The following SEMA6D variants were observed in gnomAD, a reference collection of about 807,000 sequenced individuals.
SEMA6D encodes semaphorin-6D.
Under a neutral mutation model 106.6 loss-of-function variants are expected in SEMA6D, and 35 were observed. That is an observed-to-expected ratio of 0.33 (90% CI 0.25 to 0.44). The LOEUF is 0.44. SEMA6D is among the 20% of genes least tolerant of loss of function. SEMA6D has a pLI of 1.00. For missense variants in SEMA6D, 1,185 were observed against 1,345.9 expected (o/e 0.88, Z 1.87); for synonymous variants, 499 against 487.7 (o/e 1.02, Z -0.31).
At chr15:47,749,844 A>G (rs367822526) in intron 1 of SEMA6D, among the ~76,000 whole-genome samples, 56 of 152,272 alleles carry the variant, frequency 3.7e-4, no homozygotes, top group African/African-American at 1.2e-3. Flanking sequence ...ACCACATCCA[A>G]CGGGCAAGCA....
intron 1 of SEMA6D, among the ~76,000 whole-genome samples, chr15:47,309,710 C>G: frequency 6.6e-6 from 1 of 152,162 alleles, no homozygotes; most frequent in Non-Finnish European, 1.5e-5. Context: ...CTTAACCTAG[C>G]CTACCTTAAG....
intron 3 of SEMA6D, among the ~76,000 whole-genome samples, chr15:47,534,277 G>A (rs1209286361): frequency 6.6e-6 from 1 of 151,956 alleles, no homozygotes; most frequent in African/African-American, 2.4e-5. Flanking sequence ...TGCAACCTCT[G>A]CCTCCCGGGT....
At chr15:47,206,703 C>T (rs747263407) in intron 1 of SEMA6D, among the ~76,000 whole-genome samples, 45 of 152,096 alleles carry the variant, frequency 3.0e-4, no homozygotes, top group Non-Finnish European at 5.3e-4. Context: ...TTCTGATTGG[C>T]TGCATCTTCT....
intron 2 of SEMA6D, among the ~76,000 whole-genome samples, chr15:47,413,934 A>T (rs2040879663): frequency 6.6e-6 from 1 of 152,176 alleles, no homozygotes; most frequent in Non-Finnish European, 1.5e-5. Context: ...TTTCTGAAGG[A>T]TGTATTTTGG....
At chr15:47,315,145 C>G (rs1197104392) in intron 1 of SEMA6D, among the ~76,000 whole-genome samples, 1 of 152,056 alleles carries the variant, frequency 6.6e-6, no homozygotes, top group Admixed American at 6.6e-5. Flanking sequence ...GGATTACAAG[C>G]GTGAGCCACC....
chr15:47,651,261 A>G (rs139575319), intron 4 of SEMA6D, among the ~76,000 whole-genome samples: 1,603 of 152,218 alleles, frequency 0.011, 18 homozygotes, highest in South Asian at 0.045. Context: ...TAAATTAGCC[A>G]GGCATAGTGA....
chr15:47,474,990 A>T (rs2042964403), intron 3 of SEMA6D, among the ~76,000 whole-genome samples: 3 of 152,168 alleles, frequency 2.0e-5, no homozygotes, highest in African/African-American at 7.2e-5. Context: ...TGGATCCTTG[A>T]GTGACTGTGT....
chr15:47,519,226 T>C (rs538016377), intron 3 of SEMA6D, among the ~76,000 whole-genome samples: 3 of 152,340 alleles, frequency 2.0e-5, no homozygotes, highest in South Asian at 2.1e-4. Context: ...CTACACGTAA[T>C]TGTATGCATT....
intron 11 of SEMA6D, 55 bp from the exon 12 acceptor site, chr15:47,764,583 T>G: frequency 6.2e-7 from 1 of 1,601,250 alleles, no homozygotes; most frequent in South Asian, 1.1e-5. Context: ...TTAGATACAG[T>G]ACATGGTGTG....
intron 1 of SEMA6D, among the ~76,000 whole-genome samples, chr15:47,277,795 A>G (rs1459831102): frequency 2.7e-5 from 4 of 149,976 alleles, no homozygotes; most frequent in Non-Finnish European, 5.9e-5. Context: ...CCAGAGTGTG[A>G]TGTTCCCCTT....
chr15:47,400,715 G>A (rs1247471235), intron 1 of SEMA6D, among the ~76,000 whole-genome samples: 3 of 152,198 alleles, frequency 2.0e-5, no homozygotes. Flanking sequence ...GATACTCAGT[G>A]TATCAAACAA....
At chr15:47,673,509 C>G (rs1256919151) in intron 4 of SEMA6D, among the ~76,000 whole-genome samples, 1 of 152,168 alleles carries the variant, frequency 6.6e-6, no homozygotes, top group Non-Finnish European at 1.5e-5. Flanking sequence ...CACAGAATGA[C>G]CGGGCAGGTC....
chr15:47,310,161 C>CA (rs1391897370), intron 1 of SEMA6D, among the ~76,000 whole-genome samples: 1 of 152,162 alleles, frequency 6.6e-6, no homozygotes, highest in African/African-American at 2.4e-5. Flanking sequence ...AGATGAATTG[C>CA]ATCTTTTTCA....
chr15:47,495,168 T>C (rs2043611539), intron 3 of SEMA6D, among the ~76,000 whole-genome samples: 2 of 152,116 alleles, frequency 1.3e-5, no homozygotes, highest in South Asian at 4.1e-4. Flanking sequence ...GAAGTCGTTC[T>C]TATGGTTGTG....
intron 3 of SEMA6D, among the ~76,000 whole-genome samples, chr15:47,600,360 T>C (rs920407503): frequency 1.3e-5 from 2 of 152,170 alleles, no homozygotes; most frequent in Admixed American, 1.3e-4. Flanking sequence ...CTATTGGTAA[T>C]GTGTGTTCTT....
At chr15:47,716,593 G>A (rs1438034942), upstream of SEMA6D, among the ~76,000 whole-genome samples, 2 of 152,114 alleles carry the variant, frequency 1.3e-5, no homozygotes, top group African/African-American at 2.4e-5. Context: ...AATTCAACTG[G>A]AAATTAATAA....
At chr15:47,397,226 C>T (rs1277212738) in intron 1 of SEMA6D, among the ~76,000 whole-genome samples, 6 of 152,088 alleles carry the variant, frequency 3.9e-5, no homozygotes, top group Non-Finnish European at 7.3e-5. Context: ...CTTCTTAGGC[C>T]TAGGTAGTAT....
At chr15:47,254,266 T>TAC (rs1272268697) in intron 1 of SEMA6D, among the ~76,000 whole-genome samples, 2 of 148,722 alleles carry the variant, frequency 1.3e-5, no homozygotes, top group South Asian at 2.1e-4. Context: ...TATATATATA[T>TAC]ACACACACAT....
At chr15:47,276,582 G>A (rs1357759644) in intron 1 of SEMA6D, among the ~76,000 whole-genome samples, 11 of 152,102 alleles carry the variant, frequency 7.2e-5, no homozygotes, top group South Asian at 2.1e-4. Flanking sequence ...TGGTTTTAGC[G>A]AATATTTTAA....
Sources: allele counts gnomAD v4.1 joint callset (sites outside exome capture counted in the v4.1 genomes callset), GRCh38; gene constraint gnomAD v4.1.1; transcripts MANE v1.5; gene names NCBI Gene and HGNC (gene_info 2026-07-23, HGNC 2026-07-21).